The following STAB2 variants were observed in gnomAD, a reference collection of about 807,000 sequenced individuals.
STAB2 encodes stabilin 2, also known as stabilin-2.
STAB2 carries 288 observed loss-of-function variants against 338.1 expected under a neutral mutation model. The ratio of observed to expected loss-of-function variants is 0.85; its 90% CI spans 0.77 to 0.94. The LOEUF is 0.94. Among genes scored for constraint, STAB2 ranks in the 40% least tolerant of loss-of-function variants. The pLI is 0.00. For missense variants in STAB2, 3,141 were observed against 3,210.1 expected, an observed-to-expected ratio of 0.98 and a Z score of 0.52; for synonymous variants, 1,202 against 1,193.3, an observed-to-expected ratio of 1.01 and a Z score of -0.15.
Position 103,676,215 on chromosome 12 carries a change from C to A in STAB2, c.2646+194C>A, listed in dbSNP as rs544726522. ...TAGCTGGGATTACAGGCACGTGCCA[C>A]CACCCCGGCTAATTTTTGTATTTTT... On this transcript the variant is annotated intron_variant, in intron 24 of 68. Coordinates refer to ENST00000388887, the MANE Select transcript of STAB2 (RefSeq NM_017564.10). Among the ~76,000 whole-genome samples the A allele has an allele frequency of 3.9e-5, 6 of 152,200 alleles. No individual in the cohort carries two copies. In the South Asian group the frequency reaches 1.2e-3, roughly 32 times the overall value.
Position 103,594,458 on chromosome 12 carries a change from G to A in STAB2, c.279G>A (p.Lys93=), listed in dbSNP as rs1311419171. 9 of 1,614,010 alleles carry A rather than the reference G, an allele frequency of 5.6e-6. No homozygotes were observed. Among genetic ancestry groups the A allele is most frequent in the African/African-American group, 1.3e-5 (1 of 75,036 alleles). Residue 93 remains lysine, a synonymous_variant, in exon 3 of 69, where the codon AAG becomes AAA. Transcript: ENST00000388887. ...CCGGATGCCGCCATATTTGTAGGAAGGACTATCTCCAACCTCGGTGTTGTC... is the reference window on the plus strand; with the variant it reads ...CCGGATGCCGCCATATTTGTAGGAAAGACTATCTCCAACCTCGGTGTTGTC... ...SLPGCRHICR[K]DYLQPRCCPG... is the part of the protein sequence containing the mutation.
At chr12:103,740,060 C>A (rs922824458) in intron 54 of STAB2, among the ~76,000 whole-genome samples, 2 of 152,136 alleles carry the variant, frequency 1.3e-5, no homozygotes, top group Non-Finnish European at 2.9e-5. Context: ...AGGTTTGCCT[C>A]TGTAAAATGG....
rs1330284636 is a variant in STAB2, at chr12:103,670,737, G to A, written c.2301G>A (p.Glu767=). 2 of 1,614,052 alleles carry A rather than the reference G, an allele frequency of 1.2e-6. No homozygotes were observed. Among genetic ancestry groups the A allele is most frequent in the African/African-American group, 1.3e-5 (1 of 74,946 alleles). ...GCGGCAACGGGACATGCATTTGTGA[G>A]GAGGGCTTCCAAGGCTCCCAGTGTC... ...SLGGNGTCIC[E]EGFQGSQCQF... The change falls in exon 22 of 69, where the codon GAG becomes GAA. Residue 767 remains glutamate (E), a synonymous_variant. Transcript: ENST00000388887.
chr12:103,671,404 T>C (rs927143018), intron 22 of STAB2, among the ~76,000 whole-genome samples: 1 of 152,094 alleles, frequency 6.6e-6, no homozygotes, highest in South Asian at 2.1e-4. Context: ...TAAGCTGAGA[T>C]TGAGCCACTG....
intron 52 of STAB2, among the ~76,000 whole-genome samples, chr12:103,735,843 T>C (rs1882076222): frequency 6.6e-6 from 1 of 152,122 alleles, no homozygotes; most frequent in Admixed American, 6.5e-5. Context: ...TCCAGTTGAT[T>C]TCATTTTTTG....
Position 103,766,549 on chromosome 12 carries a change from T to G in STAB2, c.*213T>G. On this transcript the variant is annotated 3_prime_UTR_variant, in exon 69 of 69. Transcript: ENST00000388887. ...GCTTCCTCCTCTGACCCTTTGGCTCTTCTTCCTTTGTACTCTTCAGCTGGC... is the reference window on the plus strand; with the variant it reads ...GCTTCCTCCTCTGACCCTTTGGCTCGTCTTCCTTTGTACTCTTCAGCTGGC... 1.8e-6 allele frequency: 1 copy of G among 559,264 alleles called. No homozygotes were observed. The highest frequency in any genetic ancestry group is 2.1e-5 in the South Asian group (1 of 47,724). 34.6% of individuals were successfully genotyped at this position (559,264 alleles called of 1,614,324 possible). A position where few individuals can be genotyped will look rare whatever the true frequency, so the allele number is the denominator to read the frequency against.
intron 39 of STAB2, among the ~76,000 whole-genome samples, chr12:103,710,144 G>A (rs576069478): frequency 1.3e-5 from 2 of 152,236 alleles, no homozygotes; most frequent in South Asian, 2.1e-4. Context: ...AACATAGATC[G>A]TGTTTTTCAC....
intron 2 of STAB2, among the ~76,000 whole-genome samples, chr12:103,592,578 T>C (rs1956816039): frequency 6.6e-6 from 1 of 152,224 alleles, no homozygotes; most frequent in Non-Finnish European, 1.5e-5. Flanking sequence ...TACAAAAACC[T>C]GGACATTCTT....
At chr12:103,646,798 T>G (rs1444059086) in intron 9 of STAB2, among the ~76,000 whole-genome samples, 1 of 152,222 alleles carries the variant, frequency 6.6e-6, no homozygotes, top group Non-Finnish European at 1.5e-5. Context: ...ATAGTTGGGA[T>G]CCATCTTCTA....
intron 1 of STAB2, 63 bp downstream of exon 1, chr12:103,587,620 C>A: frequency 7.2e-7 from 1 of 1,397,792 alleles, no homozygotes; most frequent in South Asian, 1.2e-5. Flanking sequence ...AAAAGCTTGT[C>A]GTTTTCCTCT....
intron 25 of STAB2, among the ~76,000 whole-genome samples, chr12:103,678,811 T>G (rs528093292): frequency 1.3e-5 from 2 of 151,720 alleles, no homozygotes; most frequent in Admixed American, 1.3e-4. Flanking sequence ...GGATTACAGG[T>G]GTAAGCCACC....
intron 3 of STAB2, among the ~76,000 whole-genome samples, chr12:103,603,121 A>G (rs1956977787): frequency 6.6e-6 from 1 of 152,008 alleles, no homozygotes; most frequent in African/African-American, 2.4e-5. Flanking sequence ...CCCAGGCTGG[A>G]GTGCAGTGGC....
At chr12:103,662,038 T>C (rs1874668793) in intron 17 of STAB2, among the ~76,000 whole-genome samples, 2 of 152,090 alleles carry the variant, frequency 1.3e-5, no homozygotes, top group African/African-American at 4.8e-5. Context: ...GTGAGGAGAT[T>C]TGATTGCAAT....
Position 103,741,801 on chromosome 12 carries a change from A to G in STAB2, c.5882-604A>G, listed in dbSNP as rs1882607000. Among the ~76,000 whole-genome samples, 4 of 152,304 alleles carry G rather than the reference A, an allele frequency of 2.6e-5. 1 individual carries two copies. The South Asian group carries it at 8.3e-4, about 32-fold the overall frequency. ...GAGAAAACAGAGGCACAGAGAGGACAAGAAGTAAACCCAAGGTCCCACTGG... is the reference window on the plus strand; with the variant it reads ...GAGAAAACAGAGGCACAGAGAGGACGAGAAGTAAACCCAAGGTCCCACTGG... On this transcript the variant is annotated intron_variant, in intron 55 of 68. Transcript: ENST00000388887.
chr12:103,724,771 AG>A lies in STAB2; in HGVS notation c.4684-202del, dbSNP rs1881047142. On this transcript the variant is annotated intron_variant, in intron 44 of 68. Coordinates refer to ENST00000388887, the MANE Select transcript of STAB2 (RefSeq NM_017564.10). ...TCTGCTCAAAGGGACCTGTCATCTT[AG>A]GATACAAGGCCAGGTGAATAAGATG... Among the ~76,000 whole-genome samples the A allele has an allele frequency of 2.0e-5, 3 of 152,210 alleles. No individual in the cohort carries two copies. The South Asian group carries it at 6.2e-4, about 32-fold the overall frequency.
chr12:103,704,784 T>A (rs1374393941), intron 36 of STAB2, 170 bp downstream of exon 36: 1 of 641,932 alleles, frequency 1.6e-6, no homozygotes, highest in African/African-American at 1.9e-5. Flanking sequence ...ACATCTATTT[T>A]TTTGGACCAA....
rs1161174665 is a variant in STAB2 at position 103,745,291 on chromosome 12, G to A, written c.6136+14G>A. 1.9e-6 allele frequency: 3 copies of A among 1,610,318 alleles called. No individual in the cohort carries two copies. Among genetic ancestry groups the A allele is most frequent in the Non-Finnish European group, 1.7e-6 (2 of 1,178,734 alleles). On this transcript the variant is annotated intron_variant, in intron 57 of 68. Transcript: ENST00000388887. The stretch of plus-strand genomic sequence containing the variant: ...ACACTCAGGCAGGTCAGTCATGGGA[G>A]TGGTCAGCTGCTGGCAGCCCAGGGC...
At chr12:103,625,718 A>G (rs1157759127) in intron 5 of STAB2, among the ~76,000 whole-genome samples, 3 of 152,208 alleles carry the variant, frequency 2.0e-5, no homozygotes, top group African/African-American at 7.2e-5. Flanking sequence ...ATAGTATTCC[A>G]TGGTATATAT....
intron 45 of STAB2, 73 bp from the exon 46 acceptor site, chr12:103,726,043 C>T: frequency 6.5e-7 from 1 of 1,536,466 alleles, no homozygotes; most frequent in Non-Finnish European, 9.0e-7. Context: ...GCAGAGAAAT[C>T]ATCCCATGAC....
Sources: allele counts gnomAD v4.1 joint callset (sites outside exome capture counted in the v4.1 genomes callset), GRCh38; gene constraint gnomAD v4.1.1; transcripts MANE v1.5; gene names NCBI Gene and HGNC (gene_info 2026-07-23, HGNC 2026-07-21).